Variants in LTBP1 observed in about 807,000 individuals in gnomAD.
The protein encoded by LTBP1 is latent-transforming growth factor beta-binding protein 1.
In LTBP1, 129 loss-of-function variants were observed where a neutral mutation model predicts 207.6. The ratio of observed to expected loss-of-function variants is 0.62; its 90% CI spans 0.54 to 0.72. LTBP1 has a LOEUF of 0.72. Ranked by LOEUF, LTBP1 falls within the 30% of genes least tolerant of loss-of-function variation. LTBP1 has a pLI of 0.00. For missense variants in LTBP1, 2,281 were observed against 2,217.2 expected, an observed-to-expected ratio of 1.03 and a Z score of -0.58; for synonymous variants, 963 against 833.7, an observed-to-expected ratio of 1.16 and a Z score of -2.67.
rs1007924387 is a variant in LTBP1 at position 33,219,369 on chromosome 2, T to C, written c.1804+1715T>C. 2.6e-5 allele frequency among the ~76,000 whole-genome samples: 4 copies of C among 152,214 alleles called. No individual in the cohort carries two copies. In the East Asian group the frequency reaches 7.7e-4, roughly 29 times the overall value. On this transcript the variant is annotated intron_variant, in intron 8 of 33. Coordinates refer to ENST00000404816, the MANE Select transcript of LTBP1 (RefSeq NM_206943.4). Reference sequence around the variant, plus strand: ...GAAGATCCATTTGCTTAAAATTATTTTGGCAACCTGACCAAAGGGATAGCT... The same window carrying C: ...GAAGATCCATTTGCTTAAAATTATTCTGGCAACCTGACCAAAGGGATAGCT...
At chr2:33,077,993 G>A (rs1297665713) in intron 3 of LTBP1, among the ~76,000 whole-genome samples, 1 of 152,134 alleles carries the variant, frequency 6.6e-6, no homozygotes, top group Admixed American at 6.5e-5. Flanking sequence ...TAGATTTTGA[G>A]GTTGAGTGGC....
chr2:33,151,635 C>T (rs2083527429), intron 5 of LTBP1, among the ~76,000 whole-genome samples: 1 of 152,078 alleles, frequency 6.6e-6, no homozygotes, highest in Admixed American at 6.6e-5. Context: ...CCCTCTAAGT[C>T]TCTAAAGTCC....
At chr2:33,101,798 G>A (rs1033016137) in intron 3 of LTBP1, among the ~76,000 whole-genome samples, 3 of 152,058 alleles carry the variant, frequency 2.0e-5, no homozygotes, top group Admixed American at 6.6e-5. Flanking sequence ...GTAGTAGCTC[G>A]TTTTTTGAGA....
intron 15 of LTBP1, among the ~76,000 whole-genome samples, chr2:33,263,716 G>A (rs955222577): frequency 1.3e-5 from 2 of 152,088 alleles, no homozygotes; most frequent in African/African-American, 4.8e-5. Context: ...CACTTTGGGA[G>A]GCCAAGGCAG....
intron 2 of LTBP1, among the ~76,000 whole-genome samples, chr2:32,984,362 T>C (rs1683217586): frequency 6.6e-6 from 1 of 152,244 alleles, no homozygotes; most frequent in Non-Finnish European, 1.5e-5. Flanking sequence ...CCCAGCTTGC[T>C]AGTAAAACAC....
intron 3 of LTBP1, among the ~76,000 whole-genome samples, chr2:33,043,383 T>C (rs558388122): frequency 6.6e-6 from 1 of 152,246 alleles, no homozygotes; most frequent in African/African-American, 2.4e-5. Context: ...ACTATAATTA[T>C]AAAAAATCGT....
chr2:33,303,748 C>T (rs941306403), intron 22 of LTBP1, among the ~76,000 whole-genome samples: 6 of 152,164 alleles, frequency 3.9e-5, no homozygotes, highest in African/African-American at 1.4e-4. Context: ...AATCCAGCTG[C>T]TGATCTGTCA....
chr2:33,087,681 A>G (rs1461628017), intron 3 of LTBP1, among the ~76,000 whole-genome samples: 1 of 152,224 alleles, frequency 6.6e-6, no homozygotes, highest in Admixed American at 6.5e-5. Context: ...GTCTCAAACC[A>G]TCTTTCAGAA....
In LTBP1 at chr2:33,315,669, G is replaced by C. The variant is rs747477551; in HGVS notation, c.3730+400G>C. Among the ~76,000 whole-genome samples, 155 of 152,168 alleles carry C rather than the reference G, an allele frequency of 1.0e-3. 6 individuals are homozygous for C. Among genetic ancestry groups the C allele is most frequent in the Non-Finnish European group, 1.3e-4 (9 of 68,032 alleles). On this transcript the variant is annotated intron_variant, in intron 24 of 33. Coordinates refer to ENST00000404816, the MANE Select transcript of LTBP1 (RefSeq NM_206943.4). ...TGTGTAAAAAATGTCTTGCGGCTGG[G>C]TGCGGTGGCTCACACCAGCACTTTT...
At chr2:33,381,829 A>G (rs1308679547) in intron 31 of LTBP1, among the ~76,000 whole-genome samples, 2 of 152,224 alleles carry the variant, frequency 1.3e-5, no homozygotes, top group South Asian at 2.1e-4. Flanking sequence ...CAGATAGACC[A>G]CTTTGGGTTC....
chr2:32,983,168 G>C lies in LTBP1; in HGVS notation c.565+34223G>C, dbSNP rs191485298. 4.3e-3 allele frequency among the ~76,000 whole-genome samples: 637 copies of C among 148,044 alleles called. 6 individuals are homozygous for C. Among genetic ancestry groups the C allele is most frequent in the African/African-American group, 0.015 (613 of 41,310 alleles). On this transcript the variant is annotated intron_variant, in intron 2 of 33. Coordinates refer to ENST00000404816, the MANE Select transcript of LTBP1 (RefSeq NM_206943.4). ...CCATCTCTTGTATCAGTGTGACCTG[G>C]ATGTGAAACAGAGTCAAAGGAGATC...
At chr2:32,989,312 A>G (rs1684058683) in intron 2 of LTBP1, among the ~76,000 whole-genome samples, 1 of 152,240 alleles carries the variant, frequency 6.6e-6, no homozygotes, top group African/African-American at 2.4e-5. Flanking sequence ...AAATGGGTTT[A>G]TCCATAGGGC....
intron 2 of LTBP1, among the ~76,000 whole-genome samples, chr2:33,008,612 TACTA>T (rs764098864): frequency 1.1e-4 from 16 of 152,244 alleles, no homozygotes; most frequent in Non-Finnish European, 2.2e-4. Flanking sequence ...CTTCCACGAT[TACTA>T]ACTGATTATC....
chr2:33,275,207 T>A lies in LTBP1; in HGVS notation c.2869+117T>A. The A allele has an allele frequency of 5.7e-6, 7 of 1,222,720 alleles. No individual in the cohort carries two copies. In the South Asian group the frequency reaches 1.0e-4, roughly 18 times the overall value. 75.7% of individuals were successfully genotyped at this position (1,222,720 alleles called of 1,614,324 possible). A position where few individuals can be genotyped will look rare whatever the true frequency, so the allele number is the denominator to read the frequency against. Reference sequence around the variant, plus strand: ...CCCAGAATTTTTTATTAAACAATTATCATGACAGCAGTCTGCTAGATCCCA... The same window carrying A: ...CCCAGAATTTTTTATTAAACAATTAACATGACAGCAGTCTGCTAGATCCCA... On this transcript the variant is annotated intron_variant, in intron 17 of 33. Coordinates refer to ENST00000404816, the MANE Select transcript of LTBP1 (RefSeq NM_206943.4).
Position 33,389,277 on chromosome 2 carries a change from C to T in LTBP1, c.4805C>T (p.Pro1602Leu). 6.2e-7 allele frequency: 1 copy of T among 1,614,192 alleles called. No individual in the cohort carries two copies. Among genetic ancestry groups the T allele is most frequent in the Non-Finnish European group, 8.5e-7 (1 of 1,180,034 alleles). ...GTTGACTTCAGTGAACAGTATACTC[C>T]AGAAGCCGATCCCTACTTCATCCAA... is the stretch of plus-strand genomic sequence containing the variant. ...ALVDFSEQYT[P>L]EADPYFIQDR... The change falls in exon 32 of 34, where the codon CCA becomes CTA. Residue 1602 changes from proline to leucine, a missense_variant. Physicochemically the swap from Pro to Leu is moderately conservative, Grantham distance 98 (BLOSUM62 -3). Coordinates refer to ENST00000404816, the MANE Select transcript of LTBP1 (RefSeq NM_206943.4).
chr2:33,127,557 C>A (rs1308335295), intron 4 of LTBP1, among the ~76,000 whole-genome samples: 1 of 152,178 alleles, frequency 6.6e-6, no homozygotes, highest in African/African-American at 2.4e-5. Flanking sequence ...TCCCCTCTTA[C>A]CACATTCTCT....
chr2:33,118,034 G>C (rs1446913214), intron 4 of LTBP1, among the ~76,000 whole-genome samples: 1 of 152,114 alleles, frequency 6.6e-6, no homozygotes, highest in Non-Finnish European at 1.5e-5. Flanking sequence ...CTGCTCCTCT[G>C]AGACATCCTC....
At chr2:33,312,916 A>G (rs1346173662) in intron 23 of LTBP1, among the ~76,000 whole-genome samples, 1 of 152,158 alleles carries the variant, frequency 6.6e-6, no homozygotes, top group Non-Finnish European at 1.5e-5. Context: ...CCTGAGCTTG[A>G]TCCCCAAGCC....
chr2:33,252,879 C>G (rs2092722838), intron 11 of LTBP1, 35 bp downstream of exon 11: 1 of 1,543,618 alleles, frequency 6.5e-7, no homozygotes, highest in Non-Finnish European at 8.8e-7. Flanking sequence ...CACATAGATT[C>G]CCAGCCACAT....
Sources: gnomAD v4.1 joint callset for allele counts (sites outside exome capture counted in the v4.1 genomes callset) on GRCh38, gnomAD v4.1.1 for gene constraint, MANE v1.5 for transcripts, NCBI Gene and HGNC (gene_info 2026-07-23, HGNC 2026-07-21) for gene names.